ADAM11: variants seen among roughly 807,000 people sequenced by gnomAD.
ADAM11 encodes the protein ADAM metallopeptidase domain 11, also known as disintegrin and metalloproteinase domain-containing protein 11.
Under a neutral mutation model 119.1 loss-of-function variants are expected in ADAM11, and 49 were observed. That is an observed-to-expected ratio of 0.41 (90% CI 0.33 to 0.52). The LOEUF (loss-of-function observed/expected upper bound fraction) is 0.52. ADAM11 is among the 20% of genes least tolerant of loss of function. The pLI, the probability that ADAM11 is intolerant of heterozygous loss-of-function variation, is 0.20. For synonymous variants in ADAM11, 364 were observed against 408.0 expected, an observed-to-expected ratio of 0.89 and a Z score of 1.30; for missense variants, 777 against 1,047.5, an observed-to-expected ratio of 0.74 and a Z score of 3.56.
At chr17:44,778,519 C>A (rs1439468481) in intron 25 of ADAM11, among the ~76,000 whole-genome samples, 6 of 151,642 alleles carry the variant, frequency 4.0e-5, no homozygotes, top group African/African-American at 1.5e-4. Flanking sequence ...TGGTGAAACC[C>A]CGTCTCTATT....
At position 44,764,280 on chromosome 17, in the gene ADAM11, G is replaced by C. The variant is rs138218216; in HGVS notation, c.237+4383G>C. On this transcript the variant is annotated intron_variant, in intron 2 of 26. Transcript: ENST00000200557. ...ACCACCCCAGAAGCCCTCCACGGTGGGTGTGTGCTGCAACAGTGTTTGTGT... is the reference window on the plus strand; with the variant it reads ...ACCACCCCAGAAGCCCTCCACGGTGCGTGTGTGCTGCAACAGTGTTTGTGT... 9.2e-5 allele frequency among the ~76,000 whole-genome samples: 14 copies of C among 152,328 alleles called. No individual in the cohort carries two copies. The East Asian group carries it at 2.7e-3, about 29-fold the overall frequency.
Position 44,775,825 on chromosome 17 carries a change from G to T in ADAM11, c.1485+149G>T. ...CTTGATGCGAAGACAGCGCCAATGG[G>T]GAGCAAGGGGCGGGGCTGAAGGATG... On this transcript the variant is annotated intron_variant, in intron 17 of 26. Coordinates refer to ENST00000200557, the MANE Select transcript of ADAM11 (RefSeq NM_002390.6). The surrounding 1 kb of genome is among the most constrained non-coding windows in gnomAD (Gnocchi z 7.5). 1 of 871,040 alleles carries T rather than the reference G, an allele frequency of 1.1e-6. No individual in the cohort carries two copies. The highest frequency in any genetic ancestry group is 1.7e-6 in the Non-Finnish European group (1 of 580,432). The allele number at this position is 871,040 out of a possible 1,614,324, so 54.0% of individuals were successfully genotyped here. A position where few individuals can be genotyped will look rare whatever the true frequency, so the allele number is the denominator to read the frequency against.
At chr17:44,779,429 G>A (rs1487875566) in intron 26 of ADAM11, 190 bp downstream of exon 26, 1 of 985,052 alleles carries the variant, frequency 1.0e-6, no homozygotes, top group Non-Finnish European at 1.2e-6. Flanking sequence ...GGTCCCAGCT[G>A]CCCTCGCCCT....
rs1185052316 is a variant in ADAM11 at position 44,774,303 on chromosome 17, C to T, written c.1001C>T (p.Thr334Ile). The T allele has an allele frequency of 2.0e-6, 3 of 1,469,182 alleles. No individual in the cohort carries two copies. The highest frequency in any genetic ancestry group is 5.1e-5 in the Admixed American group (2 of 39,588). The allele number at this position is 1,469,182 out of a possible 1,614,324, so 91.0% of individuals were successfully genotyped here. A position where few individuals can be genotyped will look rare whatever the true frequency, so the allele number is the denominator to read the frequency against. The change falls in exon 12 of 27, where the codon ACC (threonine) becomes ATC (isoleucine). Residue 334 changes from threonine to isoleucine, a missense_variant. Transcript: ENST00000200557. ...AGCGCACTCCCTTCCAGGGGCAGGA[C>T]CTTCCAGAGCACGAGCAGCGGGGCA... The part of the protein sequence containing the change: ...SDATHLFSGR[T>I]FQSTSSGAAY...
intron 3 of ADAM11, 48 bp from the exon 4 acceptor site, chr17:44,769,934 A>T: frequency 6.2e-7 from 1 of 1,611,284 alleles, no homozygotes; most frequent in Non-Finnish European, 8.5e-7. Context: ...CTCAAGCCCG[A>T]CCTCACCTCG....
chr17:44,774,650 G>C (rs763072883), intron 13 of ADAM11, 48 bp from the exon 14 acceptor site: 1 of 1,597,264 alleles, frequency 6.3e-7, no homozygotes, highest in Non-Finnish European at 8.5e-7. Flanking sequence ...GTGACAGTGG[G>C]AGGGGTGGTC....
At chr17:44,769,625 CTTCCCCAGGGCTACTGTTGCTCCCGGGAT>C in intron 2 of ADAM11, 64 bp from the exon 3 acceptor site, 5 of 827,738 alleles carry the variant, frequency 6.0e-6, no homozygotes, top group South Asian at 1.5e-5. Flanking sequence ...CTGGCCACCC[CTTCCCCAGGGCTACTGTTGCTCCCGGGAT>C]CCCCCCGACT....
intron 2 of ADAM11, among the ~76,000 whole-genome samples, chr17:44,764,520 G>T (rs972692232): frequency 6.6e-6 from 1 of 152,174 alleles, no homozygotes; most frequent in Non-Finnish European, 1.5e-5. Context: ...CTAGGATTTT[G>T]CTGGGCCCAG....
rs558234000 is a variant in ADAM11, at chr17:44,780,919, C to T, written c.*1165C>T. ...TCCCCCATTACGTACCCCCACCCATCCCTGCTGCAGCGAGCCTGAGAGCCA... is the reference window on the plus strand; with the variant it reads ...TCCCCCATTACGTACCCCCACCCATTCCTGCTGCAGCGAGCCTGAGAGCCA... On this transcript the variant is annotated 3_prime_UTR_variant, in exon 27 of 27. Transcript: ENST00000200557. 3.9e-5 allele frequency: 6 copies of T among 152,972 alleles called. No homozygotes were observed. Among genetic ancestry groups the T allele is most frequent in the Non-Finnish European group, 7.3e-5 (5 of 68,226 alleles). The allele number at this position is 152,972 out of a possible 1,614,324, so 9.5% of individuals were successfully genotyped here. A position where few individuals can be genotyped will look rare whatever the true frequency, so the allele number is the denominator to read the frequency against.
At chr17:44,769,676 G>T in intron 2 of ADAM11, 42 bp from the exon 3 acceptor site, 12 of 1,474,640 alleles carry the variant, frequency 8.1e-6, no homozygotes, top group Non-Finnish European at 1.1e-5. Context: ...CCACCTTCAG[G>T]CCTCCCTGGG....
rs763720775 is a variant in ADAM11, at chr17:44,775,453, C to T, written c.1380C>T (p.Cys460=). 94 of 1,607,798 alleles carry T rather than the reference C, an allele frequency of 5.8e-5. No homozygotes were observed. Among genetic ancestry groups the T allele is most frequent in the Non-Finnish European group, 7.1e-5 (84 of 1,179,260 alleles). The part of the protein sequence containing the change: ...GFVEAGEECD[C]GSVQECSRAG... Reference sequence around the variant, plus strand: ...TGGAGGCAGGGGAGGAGTGCGACTGCGGCTCGGTGCAGGTGAGCGGTGGTG... The same window carrying T: ...TGGAGGCAGGGGAGGAGTGCGACTGTGGCTCGGTGCAGGTGAGCGGTGGTG... The change falls in exon 16 of 27, where the codon TGC becomes TGT. Residue 460 remains cysteine (C), a synonymous_variant. Coordinates refer to ENST00000200557, the MANE Select transcript of ADAM11 (RefSeq NM_002390.6). This position sits in a 1 kb window ranked among gnomAD's most constrained non-coding sequence, Gnocchi z 7.5.
Position 44,774,603 on chromosome 17 carries a change from C to T in ADAM11, c.1168+21C>T, listed in dbSNP as rs374170495. 3.1e-6 allele frequency: 5 copies of T among 1,609,160 alleles called. No individual in the cohort carries two copies. In the African/African-American group the frequency reaches 6.7e-5, roughly 21 times the overall value. On this transcript the variant is annotated intron_variant, in intron 13 of 26. Coordinates refer to ENST00000200557, the MANE Select transcript of ADAM11 (RefSeq NM_002390.6). Reference sequence around the variant, plus strand: ...GGCAGGTATCCTCCCCCAGAGGCCCCCGTGTGGCCCACGCCCAGCAGCTCT... The same window carrying T: ...GGCAGGTATCCTCCCCCAGAGGCCCTCGTGTGGCCCACGCCCAGCAGCTCT...
intron 11 of ADAM11, among the ~76,000 whole-genome samples, chr17:44,774,013 C>T (rs1225817840): frequency 6.6e-6 from 1 of 152,138 alleles, no homozygotes; most frequent in East Asian, 1.9e-4. Flanking sequence ...ATCGTTTGAA[C>T]CCAGGAGGTG....
chr17:44,759,524 G>A (rs2049363122), intron 1 of ADAM11, 198 bp from the exon 2 acceptor site: 3 of 1,244,282 alleles, frequency 2.4e-6, no homozygotes, highest in Non-Finnish European at 3.0e-6. Flanking sequence ...GGGCAGTCGT[G>A]ACGGTTGGGC....
rs201231066 is a variant in ADAM11 at position 44,780,562 on chromosome 17, G to GA, written c.*808_*809insA. 6.1e-5 allele frequency: 12 copies of GA among 195,318 alleles called. No individual in the cohort carries two copies. Among genetic ancestry groups the GA allele is most frequent in the Admixed American group, 1.2e-4 (2 of 16,184 alleles). 12.1% of individuals were successfully genotyped at this position (195,318 alleles called of 1,614,324 possible). ...CACATGGATTTTGGCAGGGCGGGGG[G>GA]GGTTCTAGAAAATATAGTTCCTATA... is the stretch of plus-strand genomic sequence containing the variant. On this transcript the variant is annotated 3_prime_UTR_variant, in exon 27 of 27. Transcript: ENST00000200557.
intron 2 of ADAM11, among the ~76,000 whole-genome samples, chr17:44,765,953 G>A (rs1157773938): frequency 6.6e-6 from 1 of 152,208 alleles, no homozygotes; most frequent in Non-Finnish European, 1.5e-5. Flanking sequence ...CTGAGGCCGG[G>A]GGCATGAAGC....
chr17:44,771,294 TC>T lies in ADAM11; in HGVS notation c.382-289del, dbSNP rs1197681458. On this transcript the variant is annotated intron_variant, in intron 4 of 26. Transcript: ENST00000200557. Reference sequence around the variant, plus strand: ...CAGCTTGAGCGACAGCAAGACCCTGTCTCAAAAAAAAAAAAAAAAAACCATT... The same window carrying T: ...CAGCTTGAGCGACAGCAAGACCCTGTTCAAAAAAAAAAAAAAAAAACCATT... Among the ~76,000 whole-genome samples the T allele has an allele frequency of 3.1e-5, 3 of 96,014 alleles. No homozygotes were observed. The Admixed American group carries it at 3.9e-4, about 12-fold the overall frequency. The allele number at this position is 96,014 out of a possible 152,430, so 63.0% of individuals were successfully genotyped here. A position where few individuals can be genotyped will look rare whatever the true frequency, so the allele number is the denominator to read the frequency against.
chr17:44,774,899 C>G, intron 14 of ADAM11, 150 bp downstream of exon 14: 1 of 1,045,134 alleles, frequency 9.6e-7, no homozygotes, highest in Non-Finnish European at 1.4e-6. Context: ...GCAAACACTG[C>G]CCCGGGAGAC....
Position 44,776,139 on chromosome 17 carries a change from G to A in ADAM11, c.1498G>A (p.Gly500Ser), listed in dbSNP as rs138490145. 4 of 1,613,684 alleles carry A rather than the reference G, an allele frequency of 2.5e-6. No individual in the cohort carries two copies. The highest frequency in any genetic ancestry group is 1.7e-4 in the Middle Eastern group (1 of 6,058). ...GTCTCTTCCCTAGTACGAACCACGGGGTGTGTCCTGCCGAGAGGCCGTGAA... is the reference window on the plus strand; with the variant it reads ...GTCTCTTCCCTAGTACGAACCACGGAGTGTGTCCTGCCGAGAGGCCGTGAA... The part of the protein sequence containing the change: ...CCRRCKYEPR[G>S]VSCREAVNEC... The change falls in exon 18 of 27, where the codon GGT becomes AGT. Residue 500 changes from glycine to serine, a missense_variant. Gly to Ser is a moderately conservative substitution (Grantham distance 56). Coordinates refer to ENST00000200557, the MANE Select transcript of ADAM11 (RefSeq NM_002390.6). This position sits in a 1 kb window ranked among gnomAD's most constrained non-coding sequence, Gnocchi z 5.2.
Sources: gnomAD v4.1 joint callset for allele counts (sites outside exome capture counted in the v4.1 genomes callset) on GRCh38, gnomAD v4.1.1 for gene constraint, Gnocchi (gnomAD v3.1) non-coding constraint, MANE v1.5 for transcripts, NCBI Gene and HGNC (gene_info 2026-07-23, HGNC 2026-07-21) for gene names.